Variants in RNF130 observed in about 807,000 individuals in gnomAD.
RNF130 encodes the protein E3 ubiquitin-protein ligase RNF130.
In RNF130, 21 loss-of-function variants were observed where a neutral mutation model predicts 44.6. That is an observed-to-expected ratio of 0.47 (90% CI 0.33 to 0.68). RNF130 has a LOEUF of 0.68. RNF130 is among the 30% of genes least tolerant of loss of function. RNF130 has a pLI of 0.02. For missense variants in RNF130, 479 were observed against 560.6 expected (o/e 0.85, Z 1.47); for synonymous variants, 214 against 210.4 (o/e 1.02, Z -0.15).
intron 7 of RNF130, among the ~76,000 whole-genome samples, chr5:179,926,041 C>T (rs2113672726): frequency 6.6e-6 from 1 of 152,258 alleles, no homozygotes; most frequent in East Asian, 1.9e-4. Flanking sequence ...CTCAGTGACG[C>T]TACCCATACG....
intron 7 of RNF130, among the ~76,000 whole-genome samples, chr5:179,942,917 C>T (rs1401974650): frequency 6.6e-6 from 1 of 152,194 alleles, no homozygotes; most frequent in African/African-American, 2.4e-5. Context: ...TTTCTTCTGG[C>T]TGGGTGCCGT....
intron 1 of RNF130, among the ~76,000 whole-genome samples, chr5:180,050,557 C>T (rs1764665585): frequency 6.6e-6 from 1 of 152,196 alleles, no homozygotes; most frequent in Non-Finnish European, 1.5e-5. Context: ...GTGGCCCAGT[C>T]AAGGTGAAAC....
intron 1 of RNF130, among the ~76,000 whole-genome samples, chr5:180,055,257 A>C: frequency 2.7e-5 from 1 of 36,786 alleles, no homozygotes; most frequent in African/African-American, 1.1e-4. Flanking sequence ...TCAAAAAAAA[A>C]AAAAAAAAAA....
At chr5:180,062,055 C>CTT (rs901554822) in intron 1 of RNF130, among the ~76,000 whole-genome samples, 7 of 134,934 alleles carry the variant, frequency 5.2e-5, no homozygotes, top group Non-Finnish European at 8.1e-5. Context: ...CCCCCAGCCT[C>CTT]TTTTTTTTTT....
rs1765271114 is a variant in RNF130, at chr5:180,071,621, C to A, written c.82G>T (p.Asp28Tyr). 6.7e-7 allele frequency: 1 copy of A among 1,503,742 alleles called. No homozygotes were observed. Among genetic ancestry groups the A allele is most frequent in the Non-Finnish European group, 8.9e-7 (1 of 1,125,342 alleles). 93.1% of individuals were successfully genotyped at this position (1,503,742 alleles called of 1,614,324 possible). Reference sequence around the variant, plus strand: ...GTGTAGTACTCCTGGCTCGCGTTGTCTGCCCGTGCCGGCCACAGGCTGCAG... The same window carrying A: ...GTGTAGTACTCCTGGCTCGCGTTGTATGCCCGTGCCGGCCACAGGCTGCAG... ...LTCSLWPARA[D>Y]NASQEYYTAL... Residue 28 changes from aspartate to tyrosine, a missense_variant, in exon 1 of 9, where the codon GAC becomes TAC. Around this residue, in one of 3 missense-constraint regions of RNF130, gnomAD observed 138 missense variants for 126.9 expected, o/e 1.09. Coordinates refer to ENST00000521389, the MANE Select transcript of RNF130 (RefSeq NM_018434.6).
chr5:180,058,703 A>G (rs562783222), intron 1 of RNF130, among the ~76,000 whole-genome samples: 2 of 151,964 alleles, frequency 1.3e-5, no homozygotes, highest in Non-Finnish European at 2.9e-5. Flanking sequence ...CTACAGGTGC[A>G]CACCACCACG....
chr5:180,066,756 C>T (rs535789998), intron 1 of RNF130, among the ~76,000 whole-genome samples: 19 of 152,138 alleles, frequency 1.2e-4, no homozygotes, highest in African/African-American at 4.6e-4. Context: ...AAGGCGGAAC[C>T]CGGGAGGTGG....
intron 7 of RNF130, among the ~76,000 whole-genome samples, chr5:179,928,893 T>C (rs1006045926): frequency 2.0e-5 from 3 of 152,168 alleles, no homozygotes; most frequent in Admixed American, 6.6e-5. Context: ...CCTCCCAAAG[T>C]GCTGGGATTA....
chr5:179,951,585 G>C (rs1454631025), downstream of RNF130, among the ~76,000 whole-genome samples: 1 of 152,028 alleles, frequency 6.6e-6, no homozygotes, highest in Non-Finnish European at 1.5e-5. Flanking sequence ...GGGTTTCACC[G>C]TGTTGGCCAG....
chr5:179,920,795 A>ATTTT lies in RNF130; in HGVS notation c.1151-373_1151-370dup, dbSNP rs71959214. On this transcript the variant is annotated intron_variant, in intron 7 of 7. Coordinates refer to the RNF130 transcript ENST00000522208. ...CATATATATTTATATATATATATAT[A>ATTTT]TTTTTTTTTTTGAGATGGAGTTTTG... Among the ~76,000 whole-genome samples the ATTTT allele has an allele frequency of 8.4e-3, 1,211 of 143,378 alleles. 15 individuals carry two copies. The highest frequency in any genetic ancestry group is 0.03 in the African/African-American group (1,151 of 37,796). The allele number at this position is 143,378 out of a possible 152,430, so 94.1% of individuals were successfully genotyped here.
chr5:179,945,697 G>C (rs1011983172), intron 7 of RNF130, among the ~76,000 whole-genome samples: 4 of 152,146 alleles, frequency 2.6e-5, no homozygotes, highest in African/African-American at 9.7e-5. Context: ...ACAGACTCCA[G>C]AGGGACAATG....
intron 5 of RNF130, among the ~76,000 whole-genome samples, chr5:179,975,898 C>T (rs1018010062): frequency 2.0e-5 from 3 of 152,164 alleles, no homozygotes; most frequent in African/African-American, 4.8e-5. Flanking sequence ...TGGTGGCAGG[C>T]GTGGCTTTGC....
At chr5:179,959,746 G>A (rs578219135) in intron 8 of RNF130, among the ~76,000 whole-genome samples, 3 of 152,232 alleles carry the variant, frequency 2.0e-5, no homozygotes, top group East Asian at 1.9e-4. Context: ...ACTACACTAA[G>A]AGGAGGAAGA....
intron 7 of RNF130, among the ~76,000 whole-genome samples, chr5:179,929,053 T>G (rs186938563): frequency 4.0e-4 from 61 of 152,378 alleles, no homozygotes; most frequent in Admixed American, 1.8e-3. Flanking sequence ...TCTGAAGGTT[T>G]TGATGACATT....
At position 179,939,325 on chromosome 5, in the gene RNF130, T is replaced by C. The variant is rs1031308923; in HGVS notation, c.1151-18899A>G. The C allele has an allele frequency of 3.2e-5, 5 of 156,444 alleles. No individual in the cohort carries two copies. The South Asian group carries it at 7.9e-4, about 25-fold the overall frequency. 9.7% of individuals were successfully genotyped at this position (156,444 alleles called of 1,614,324 possible). On this transcript the variant is annotated intron_variant, in intron 7 of 7. Coordinates refer to the RNF130 transcript ENST00000522208. ...GGTCCTAACAATAAACTCAAAAGTT[T>C]ATGACAAATAGGGGCTCTGTGAGTT...
At chr5:179,994,567 T>C (rs992693511) in intron 3 of RNF130, among the ~76,000 whole-genome samples, 1 of 152,308 alleles carries the variant, frequency 6.6e-6, no homozygotes. Flanking sequence ...CTTCTGAGTG[T>C]GTTCAGTAGC....
At chr5:179,998,959 CTCTT>C (rs933946874) in intron 3 of RNF130, among the ~76,000 whole-genome samples, 24 of 147,068 alleles carry the variant, frequency 1.6e-4, no homozygotes, top group African/African-American at 6.0e-4. Context: ...CTGAACTGAT[CTCTT>C]TATCATTATA....
intron 1 of RNF130, among the ~76,000 whole-genome samples, chr5:180,044,759 G>A (rs1160906036): frequency 6.6e-6 from 1 of 152,050 alleles, no homozygotes; most frequent in African/African-American, 2.4e-5. Context: ...TTGAACCCAG[G>A]AGGCGGAGGT....
chr5:180,071,370 G>A, intron 1 of RNF130, 86 bp downstream of exon 1: 1 of 1,188,142 alleles, frequency 8.4e-7, no homozygotes, highest in Non-Finnish European at 1.1e-6. Flanking sequence ...GGAGAGCCAG[G>A]GCCAGAGCCG....
Sources: allele counts gnomAD v4.1 joint callset (sites outside exome capture counted in the v4.1 genomes callset), GRCh38; gene constraint gnomAD v4.1.1; regional missense constraint gnomAD v4.1.1; transcripts MANE v1.5; gene names NCBI Gene and HGNC (gene_info 2026-07-23, HGNC 2026-07-21).